SMARCA4: variants seen among roughly 807,000 people sequenced by gnomAD.
The protein encoded by SMARCA4 is SWI/SNF-related matrix-associated actin-dependent regulator of chromatin subfamily A member 4.
A neutral mutation model predicts 193.9 loss-of-function variants in SMARCA4; 31 were observed. The observed-to-expected ratio is 0.16, with a 90% CI of 0.12 to 0.22. The LOEUF (loss-of-function observed/expected upper bound fraction) is 0.22. Among genes scored for constraint, SMARCA4 ranks in the 10% least tolerant of loss-of-function variants. SMARCA4 has a pLI of 1.00. For missense variants in SMARCA4, 1,148 were observed against 2,296.0 expected (o/e 0.50, Z 10.22); for synonymous variants, 942 against 933.1 (o/e 1.01, Z -0.17).
chr19:11,004,519 G>A (rs1353001394), intron 13 of SMARCA4, among the ~76,000 whole-genome samples: 1 of 152,124 alleles, frequency 6.6e-6, no homozygotes, highest in African/African-American at 2.4e-5. Flanking sequence ...CCAAAGTATT[G>A]GGATTACAGG....
intron 11 of SMARCA4, among the ~76,000 whole-genome samples, chr19:10,997,756 C>T (rs993220540): frequency 2.0e-5 from 3 of 152,212 alleles, no homozygotes; most frequent in African/African-American, 7.2e-5. Flanking sequence ...CATGAGCCCC[C>T]GCACCTGGCC....
At chr19:10,991,395 G>A (rs2145886389) in intron 8 of SMARCA4, 72 bp downstream of exon 8, 6 of 1,546,970 alleles carry the variant, frequency 3.9e-6, no homozygotes, top group Non-Finnish European at 5.2e-6. Flanking sequence ...GGTTGCCACG[G>A]GGCTGTGTTT....
In SMARCA4 at chr19:11,044,570, G is replaced by A. The variant is rs149513100; in HGVS notation, c.4424+3010G>A. On this transcript the variant is annotated intron_variant, in intron 30 of 34. Coordinates refer to ENST00000344626, the MANE Select transcript of SMARCA4 (RefSeq NM_003072.5). The stretch of plus-strand genomic sequence containing the variant: ...ATTAGCATCACAACTTCAAGAAAAT[G>A]CTCGTTAAAACCAGAGTGACTTGCA... 3.6e-3 allele frequency among the ~76,000 whole-genome samples: 550 copies of A among 152,238 alleles called. 2 individuals carry two copies. Among genetic ancestry groups the A allele is most frequent in the African/African-American group, 0.013 (535 of 41,536 alleles).
At chr19:11,010,267 T>C in intron 14 of SMARCA4, 114 bp from the exon 15 acceptor site, 1 of 1,193,276 alleles carries the variant, frequency 8.4e-7, no homozygotes, top group Admixed American at 1.7e-5. Flanking sequence ...CTTACAGTGC[T>C]GGCCACAGGT....
At chr19:11,045,945 T>A (rs1156420394) in intron 30 of SMARCA4, among the ~76,000 whole-genome samples, 1 of 151,780 alleles carries the variant, frequency 6.6e-6, no homozygotes, top group Non-Finnish European at 1.5e-5. Context: ...AAAAAAAGTC[T>A]GGGTGTGGTG....
In SMARCA4 at chr19:11,041,876, A is replaced by G. The variant is rs921786065; in HGVS notation, c.4424+316A>G. Among the ~76,000 whole-genome samples, 1 of 152,208 alleles carries G rather than the reference A, an allele frequency of 6.6e-6. No homozygotes were observed. The highest frequency in any genetic ancestry group is 2.4e-5 in the African/African-American group (1 of 41,456). ...GGGAGGTTGGGGAGAGTGCACCAGC[A>G]GAGGCCACAGCAGGCGGAGAGGCTC... On this transcript the variant is annotated intron_variant, in intron 30 of 34. Coordinates refer to ENST00000344626, the MANE Select transcript of SMARCA4 (RefSeq NM_003072.5). The surrounding 1 kb of genome is among the most constrained non-coding windows in gnomAD (Gnocchi z 5.6).
chr19:11,023,215 G>A (rs2090001833), intron 19 of SMARCA4, among the ~76,000 whole-genome samples: 1 of 152,236 alleles, frequency 6.6e-6, no homozygotes, highest in Non-Finnish European at 1.5e-5. Context: ...TACTCGTGGA[G>A]AAGCAGCATG....
intron 30 of SMARCA4, chr19:11,056,453 G>C (rs2076552216): frequency 6.6e-6 from 1 of 152,482 alleles, no homozygotes; most frequent in African/African-American, 2.4e-5. Flanking sequence ...AGGAGATGGG[G>C]AGATGTACTT....
intron 1 of SMARCA4, among the ~76,000 whole-genome samples, chr19:10,976,834 TG>T (rs1212745342): frequency 6.8e-6 from 1 of 146,284 alleles, no homozygotes; most frequent in East Asian, 2.1e-4. Flanking sequence ...GCAGGCGGAT[TG>T]CCTGAGCTCA....
Position 10,993,710 on chromosome 19 carries a change from AT to A in SMARCA4, c.1420-1117del, listed in dbSNP as rs1472160864. ...GCCCACGCTGGAGTGCAGTGGCGCGATCTCGGCTCACTGCAAGCTCTGCCTG... is the reference window on the plus strand; with the variant it reads ...GCCCACGCTGGAGTGCAGTGGCGCGACTCGGCTCACTGCAAGCTCTGCCTG... On this transcript the variant is annotated intron_variant, in intron 8 of 34. Transcript: ENST00000344626. Among the ~76,000 whole-genome samples the A allele has an allele frequency of 1.7e-3, 258 of 151,282 alleles. 1 individual carries two copies. Among genetic ancestry groups the A allele is most frequent in the Middle Eastern group, 6.8e-3 (2 of 292 alleles).
chr19:11,028,215 C>T (rs543293086), intron 24 of SMARCA4, among the ~76,000 whole-genome samples: 4 of 152,206 alleles, frequency 2.6e-5, no homozygotes, highest in Non-Finnish European at 4.4e-5. Flanking sequence ...GTGCCCTGTG[C>T]ACTTTTAGCT....
chr19:11,049,630 C>T (rs949015589), intron 30 of SMARCA4, among the ~76,000 whole-genome samples: 1 of 152,108 alleles, frequency 6.6e-6, no homozygotes, highest in Non-Finnish European at 1.5e-5. Context: ...ATTTGGGGCA[C>T]TGTGTCCAAG....
intron 6 of SMARCA4, among the ~76,000 whole-genome samples, chr19:10,989,073 A>G (rs910253776): frequency 6.6e-6 from 1 of 152,170 alleles, no homozygotes; most frequent in African/African-American, 2.4e-5. Flanking sequence ...ACACCACTGA[A>G]AAGGCATGAC....
Position 10,984,062 on chromosome 19 carries a change from A to C in SMARCA4, c.-31-59A>C. 2.9e-6 allele frequency: 4 copies of C among 1,356,460 alleles called. No homozygotes were observed. Among genetic ancestry groups the C allele is most frequent in the Non-Finnish European group, 4.2e-6 (4 of 952,018 alleles). The allele number at this position is 1,356,460 out of a possible 1,614,324, so 84.0% of individuals were successfully genotyped here. ...TGTGACCGTATGATTGTCCCTTGCT[A>C]TCCCTGTCCTGCCTCGCCCTTGGTC... On this transcript the variant is annotated intron_variant, in intron 1 of 34. Transcript: ENST00000344626. This position sits in a 1 kb window ranked among gnomAD's most constrained non-coding sequence, Gnocchi z 4.3.
chr19:10,986,441 C>T lies in SMARCA4; in HGVS notation c.608C>T (p.Ala203Val), dbSNP rs780497718. Reference sequence around the variant, plus strand: ...CCCCTCCCCGACCACCTGCAGATGGCGGTGCAGGGCAAGCGGCCGATGCCC... The same window carrying T: ...CCCCTCCCCGACCACCTGCAGATGGTGGTGCAGGGCAAGCGGCCGATGCCC... The part of the protein sequence containing the change: ...GQPLPDHLQM[A>V]VQGKRPMPGM... The change falls in exon 4 of 35, where the codon GCG becomes GTG. Residue 203 changes from alanine (A) to valine (V), a missense_variant. Ala to Val is a moderately conservative substitution (Grantham distance 64). Coordinates refer to ENST00000344626, the MANE Select transcript of SMARCA4 (RefSeq NM_003072.5). This position sits in a 1 kb window ranked among gnomAD's most constrained non-coding sequence, Gnocchi z 6.7. 13 of 1,567,286 alleles carry T rather than the reference C, an allele frequency of 8.3e-6. No homozygotes were observed. The highest frequency in any genetic ancestry group is 2.4e-5 in the East Asian group (1 of 42,310).
rs1190360532 is a variant in SMARCA4, at chr19:11,031,923, C to T, written c.3546+1030C>T. The T allele has an allele frequency of 1.3e-5, 2 of 152,216 alleles. No individual in the cohort carries two copies. The highest frequency in any genetic ancestry group is 2.9e-5 in the Non-Finnish European group (2 of 68,068). The allele number at this position is 152,216 out of a possible 1,614,324, so 9.4% of individuals were successfully genotyped here. A position where few individuals can be genotyped will look rare whatever the true frequency, so the allele number is the denominator to read the frequency against. On this transcript the variant is annotated intron_variant, in intron 25 of 34. Coordinates refer to ENST00000344626, the MANE Select transcript of SMARCA4 (RefSeq NM_003072.5). This position sits in a 1 kb window ranked among gnomAD's most constrained non-coding sequence, Gnocchi z 4.3. Reference sequence around the variant, plus strand: ...ACGCTGGGGTGTGAATGTACCCTGCCCTTCCCTGCAGCGTGAGGGCAGCAG... The same window carrying T: ...ACGCTGGGGTGTGAATGTACCCTGCTCTTCCCTGCAGCGTGAGGGCAGCAG...
At chr19:10,981,182 T>C (rs2085522883) in intron 1 of SMARCA4, among the ~76,000 whole-genome samples, 1 of 152,162 alleles carries the variant, frequency 6.6e-6, no homozygotes, top group Admixed American at 6.6e-5. Flanking sequence ...ATTGCAACAC[T>C]CTGTGGACCT....
At chr19:10,967,753 C>T (rs1423994982) in intron 1 of SMARCA4, among the ~76,000 whole-genome samples, 9 of 141,826 alleles carry the variant, frequency 6.3e-5, no homozygotes, top group South Asian at 2.3e-4. Flanking sequence ...GGTGTGATCT[C>T]GGCTCACTGC....
intron 16 of SMARCA4, among the ~76,000 whole-genome samples, chr19:11,014,173 C>T (rs1320638701): frequency 3.9e-5 from 6 of 152,196 alleles, no homozygotes; most frequent in Admixed American, 2.6e-4. Context: ...ACTACAGCCA[C>T]GAGTCAGCAG....
Sources: allele counts gnomAD v4.1 joint callset (sites outside exome capture counted in the v4.1 genomes callset), GRCh38; gene constraint gnomAD v4.1.1; non-coding constraint Gnocchi (gnomAD v3.1); transcripts MANE v1.5; gene names NCBI Gene and HGNC (gene_info 2026-07-23, HGNC 2026-07-21).